SH3RF1: variants seen among roughly 807,000 people sequenced by gnomAD.
The protein encoded by SH3RF1 is SH3 domain containing ring finger 1.
Under a neutral mutation model 74.0 loss-of-function variants are expected in SH3RF1, and 32 were observed. The observed-to-expected ratio is 0.43, with a 90% CI of 0.33 to 0.58. The LOEUF (loss-of-function observed/expected upper bound fraction) is 0.58. Among genes scored for constraint, SH3RF1 ranks in the 20% least tolerant of loss-of-function variants. SH3RF1 has a pLI of 0.05. For synonymous variants in SH3RF1, 396 were observed against 439.6 expected, an observed-to-expected ratio of 0.90 and a Z score of 1.24; for missense variants, 954 against 1,130.9, an observed-to-expected ratio of 0.84 and a Z score of 2.24.
chr4:169,260,087 G>C (rs368856641), intron 2 of SH3RF1, among the ~76,000 whole-genome samples: 1 of 152,306 alleles, frequency 6.6e-6, no homozygotes, highest in African/African-American at 2.4e-5. Flanking sequence ...CTTCCCAATA[G>C]AGTGAGTTAA....
intron 2 of SH3RF1, among the ~76,000 whole-genome samples, chr4:169,198,753 T>C (rs763414529): frequency 5.3e-5 from 8 of 152,028 alleles, no homozygotes; most frequent in Non-Finnish European, 8.8e-5. Context: ...AAGAGAAGAC[T>C]TTACAAGAGA....
chr4:169,234,130 A>C (rs979326177), intron 2 of SH3RF1, among the ~76,000 whole-genome samples: 1 of 152,092 alleles, frequency 6.6e-6, no homozygotes, highest in Non-Finnish European at 1.5e-5. Context: ...AGAACAGTGG[A>C]TCTCCACTGG....
intron 11 of SH3RF1, among the ~76,000 whole-genome samples, chr4:169,104,005 GTCTGAGCTAGCAATTCCTTCTT>G (rs1301398675): frequency 6.6e-6 from 1 of 152,170 alleles, no homozygotes; most frequent in African/African-American, 2.4e-5. Flanking sequence ...GCCATCACCT[GTCTGAGCTAGCAATTCCTTCTT>G]TTCAGATGAA....
chr4:169,133,517 C>T (rs1015973442), intron 5 of SH3RF1, among the ~76,000 whole-genome samples: 4 of 151,804 alleles, frequency 2.6e-5, no homozygotes, highest in African/African-American at 2.4e-5. Context: ...GTGGCTCACA[C>T]CTGTAATCCC....
intron 11 of SH3RF1, among the ~76,000 whole-genome samples, chr4:169,106,482 GC>G (rs1362690073): frequency 2.1e-5 from 3 of 143,818 alleles, no homozygotes; most frequent in Non-Finnish European, 4.5e-5. Flanking sequence ...AATAAAAAAG[GC>G]AAAAAATTAA....
At chr4:169,145,592 A>G in intron 4 of SH3RF1, among the ~76,000 whole-genome samples, 1 of 147,748 alleles carries the variant, frequency 6.8e-6, no homozygotes, top group Non-Finnish European at 1.5e-5. Flanking sequence ...ATCATATATA[A>G]TAATGGTCAT....
intron 4 of SH3RF1, among the ~76,000 whole-genome samples, chr4:169,138,188 T>C (rs1375661879): frequency 6.6e-6 from 1 of 152,176 alleles, no homozygotes; most frequent in African/African-American, 2.4e-5. Flanking sequence ...CTATCCCACC[T>C]TGAGAATAAA....
chr4:169,239,199 T>C (rs994603986), intron 2 of SH3RF1, among the ~76,000 whole-genome samples: 7 of 152,252 alleles, frequency 4.6e-5, no homozygotes, highest in Non-Finnish European at 1.0e-4. Context: ...TAGCCATTTC[T>C]GCCAAGATTG....
intron 4 of SH3RF1, among the ~76,000 whole-genome samples, chr4:169,137,369 T>C (rs2126954798): frequency 6.6e-6 from 1 of 152,294 alleles, no homozygotes. Flanking sequence ...TGCACTCCAC[T>C]GATATTATCA....
At chr4:169,249,456 C>A (rs1461361313) in intron 2 of SH3RF1, among the ~76,000 whole-genome samples, 1 of 152,190 alleles carries the variant, frequency 6.6e-6, no homozygotes, top group Non-Finnish European at 1.5e-5. Context: ...TTGGACTTCC[C>A]AGTCTCTAGA....
intron 10 of SH3RF1, among the ~76,000 whole-genome samples, chr4:169,107,850 T>C (rs911232128): frequency 1.3e-5 from 2 of 152,228 alleles, no homozygotes; most frequent in African/African-American, 4.8e-5. Context: ...ACATCTCCCT[T>C]GCAAGTACCT....
intron 11 of SH3RF1, among the ~76,000 whole-genome samples, chr4:169,102,813 A>C (rs1206579525): frequency 6.6e-6 from 1 of 152,062 alleles, no homozygotes; most frequent in East Asian, 1.9e-4. Flanking sequence ...AGACCTGTCA[A>C]CACACTTCAA....
At chr4:169,175,042 G>T (rs1031123132) in intron 2 of SH3RF1, among the ~76,000 whole-genome samples, 1 of 152,122 alleles carries the variant, frequency 6.6e-6, no homozygotes, top group South Asian at 2.1e-4. Flanking sequence ...CCCCAATGTT[G>T]GTAAATAGCC....
Position 169,268,929 on chromosome 4 carries a change from T to C in SH3RF1, c.284A>G (p.Asn95Ser). ...PGGGSGTNCT[N>S]ALRSQSSTVA... is the part of the protein sequence containing the mutation. ...AGTGCTGCTCTGAGACCTTAATGCA[T>C]TTGTGCAGTTGGTCCCACTTCCCCC... Residue 95 changes from asparagine to serine, a missense_variant, in exon 2 of 12, where the codon AAT becomes AGT. Physicochemically the swap from Asn to Ser is conservative, Grantham distance 46. Transcript: ENST00000284637. The C allele has an allele frequency of 1.2e-6, 2 of 1,614,102 alleles. No homozygotes were observed. The highest frequency in any genetic ancestry group is 8.5e-7 in the Non-Finnish European group (1 of 1,180,028).
intron 2 of SH3RF1, among the ~76,000 whole-genome samples, chr4:169,258,378 T>C (rs1166561821): frequency 1.3e-5 from 2 of 152,240 alleles, no homozygotes; most frequent in Non-Finnish European, 2.9e-5. Context: ...ACACTTCAGC[T>C]TCAGCAACAT....
chr4:169,264,942 C>G (rs1215345975), intron 2 of SH3RF1, among the ~76,000 whole-genome samples: 1 of 152,180 alleles, frequency 6.6e-6, no homozygotes. Context: ...TGCCCAGCCC[C>G]CATTCCCTAA....
chr4:169,098,449 A>G (rs1394025672), intron 11 of SH3RF1, among the ~76,000 whole-genome samples: 1 of 152,188 alleles, frequency 6.6e-6, no homozygotes, highest in African/African-American at 2.4e-5. Flanking sequence ...CATTCCATAT[A>G]AACCAAAATC....
At chr4:169,175,135 C>G (rs1269140517) in intron 2 of SH3RF1, among the ~76,000 whole-genome samples, 2 of 152,172 alleles carry the variant, frequency 1.3e-5, no homozygotes, top group African/African-American at 2.4e-5. Flanking sequence ...TGCACATCCA[C>G]TTAATGCATC....
chr4:169,116,554 A>T lies in SH3RF1; in HGVS notation c.1854T>A (p.Pro618=). 1 of 1,608,516 alleles carries T rather than the reference A, an allele frequency of 6.2e-7. No individual in the cohort carries two copies. Residue 618 remains proline, a synonymous_variant, in exon 10 of 12, where the codon CCT becomes CCA. Transcript: ENST00000284637. The stretch of plus-strand genomic sequence containing the variant: ...AGTGATGGGACAGGCCCACAGATGC[A>T]GGGCTGAGGCCGGCGGCATTCTGTA... ...IQVQNAAGLS[P]ASVGLSHHSL...
Sources: allele counts gnomAD v4.1 joint callset (sites outside exome capture counted in the v4.1 genomes callset), GRCh38; gene constraint gnomAD v4.1.1; transcripts MANE v1.5; gene names NCBI Gene and HGNC (gene_info 2026-07-23, HGNC 2026-07-21).